WWOX: variants seen among roughly 807,000 people sequenced by gnomAD.
The protein encoded by WWOX is WW domain containing oxidoreductase, also known as WW domain-containing oxidoreductase.
In WWOX, 69 loss-of-function variants were observed where a neutral mutation model predicts 46.2. The ratio of observed to expected loss-of-function variants is 1.49; its 90% CI spans 1.23 to 1.82. The LOEUF is 1.82. WWOX is among the 40% of genes most tolerant of loss of function. The probability of loss-of-function intolerance (pLI) is 0.00; values close to 1 mark genes in which losing one functional copy is unlikely to be tolerated. For missense variants in WWOX, 919 were observed against 542.6 expected (o/e 1.69, Z -6.89); for synonymous variants, 359 against 202.6 (o/e 1.77, Z -6.56).
At chr16:79,141,146 A>G (rs1168257844) in intron 8 of WWOX, among the ~76,000 whole-genome samples, 1 of 152,116 alleles carries the variant, frequency 6.6e-6, no homozygotes, top group Non-Finnish European at 1.5e-5. Context: ...TACATATCGG[A>G]TTGCCTCCTT....
chr16:78,744,800 A>G (rs76014732), intron 8 of WWOX, among the ~76,000 whole-genome samples: 8,117 of 152,272 alleles, frequency 0.053, 623 homozygotes, highest in African/African-American at 0.16. Context: ...AAGGGAGATT[A>G]AAAAGTAAAA....
intron 4 of WWOX, chr16:78,123,440 G>GTTTTTTTATTTTTTTTTTTT (rs2033202836): frequency 2.0e-5 from 1 of 50,500 alleles, no homozygotes; most frequent in Non-Finnish European, 3.7e-5. Flanking sequence ...TTTTTGTTTT[G>GTTTTTTTATTTTTTTTTTTT]TTTTTTTTTT....
intron 8 of WWOX, among the ~76,000 whole-genome samples, chr16:79,131,351 CAA>C (rs2150696153): frequency 6.6e-6 from 1 of 152,114 alleles, no homozygotes; most frequent in South Asian, 2.1e-4. Flanking sequence ...CATGAGGACA[CAA>C]AGAGAGCCTG....
chr16:78,368,701 C>G (rs1470741274), intron 5 of WWOX, among the ~76,000 whole-genome samples: 3 of 152,238 alleles, frequency 2.0e-5, no homozygotes, highest in East Asian at 3.8e-4. Context: ...CCCCTCCCCC[C>G]TCTAATGCTG....
intron 8 of WWOX, among the ~76,000 whole-genome samples, chr16:78,530,043 A>T (rs2859640): frequency 0.49 from 74,695 of 151,966 alleles, 21,060 homozygotes; most frequent in East Asian, 0.66. Context: ...AACTGCACTC[A>T]CTTGAACCCC....
At chr16:78,246,729 C>G (rs1597397186) in intron 5 of WWOX, among the ~76,000 whole-genome samples, 3 of 152,306 alleles carry the variant, frequency 2.0e-5, no homozygotes, top group South Asian at 4.1e-4. Context: ...CCAGTTCCCC[C>G]CGACCATCAG....
At chr16:78,779,132 G>T (rs930988227) in intron 8 of WWOX, among the ~76,000 whole-genome samples, 1 of 152,184 alleles carries the variant, frequency 6.6e-6, no homozygotes, top group Admixed American at 6.5e-5. Flanking sequence ...AAACATAAAT[G>T]TGACTCCAAC....
chr16:79,186,986 A>C (rs2150798333), intron 8 of WWOX, among the ~76,000 whole-genome samples: 1 of 152,346 alleles, frequency 6.6e-6, no homozygotes, highest in Non-Finnish European at 1.5e-5. Flanking sequence ...GAATTTCAAA[A>C]GCCAGAAGTG....
chr16:79,169,326 A>G (rs190130437), intron 8 of WWOX, among the ~76,000 whole-genome samples: 49 of 152,342 alleles, frequency 3.2e-4, no homozygotes, highest in Non-Finnish European at 5.4e-4. Context: ...CACAAGATCA[A>G]GCCCCAGAGG....
chr16:78,735,290 C>T (rs1461359983), intron 8 of WWOX, among the ~76,000 whole-genome samples: 1 of 151,470 alleles, frequency 6.6e-6, no homozygotes, highest in Non-Finnish European at 1.5e-5. Context: ...TTGCCTATAG[C>T]GGATCTTGAG....
chr16:78,780,044 G>A (rs773787185), intron 8 of WWOX, among the ~76,000 whole-genome samples: 10 of 152,258 alleles, frequency 6.6e-5, no homozygotes, highest in Non-Finnish European at 1.5e-4. Flanking sequence ...GAAGCCATAT[G>A]GATACTTTTT....
In WWOX at chr16:78,470,045, T is replaced by C. The variant is rs116028952; in HGVS notation, c.1056+37293T>C. Among the ~76,000 whole-genome samples the C allele has an allele frequency of 3.9e-3, 587 of 152,316 alleles. 2 individuals are homozygous for C. The highest frequency in any genetic ancestry group is 0.013 in the African/African-American group (545 of 41,568). On this transcript the variant is annotated intron_variant, in intron 8 of 8. Coordinates refer to ENST00000566780, the MANE Select transcript of WWOX (RefSeq NM_016373.4). ...AGATAGTAGAAGTTTATTTCTTGTT[T>C]ATGTAAGATCCATAATGACTCTTGC...
intron 8 of WWOX, among the ~76,000 whole-genome samples, chr16:79,015,868 C>G (rs996106406): frequency 2.6e-5 from 4 of 152,198 alleles, no homozygotes; most frequent in Non-Finnish European, 5.9e-5. Flanking sequence ...TGTCCTGCCT[C>G]AGACTCCCGA....
intron 8 of WWOX, chr16:78,898,686 C>G (rs987220487): frequency 6.6e-6 from 1 of 152,038 alleles, no homozygotes; most frequent in Non-Finnish European, 1.5e-5. Flanking sequence ...GGTATTGAAT[C>G]TCTTGATCAA....
chr16:79,037,895 G>A (rs149121954), intron 8 of WWOX, among the ~76,000 whole-genome samples: 10 of 152,170 alleles, frequency 6.6e-5, no homozygotes, highest in African/African-American at 2.2e-4. Flanking sequence ...AATGCCAGCT[G>A]CAGCCAAAGG....
chr16:78,932,083 C>A (rs1314209275), intron 8 of WWOX, among the ~76,000 whole-genome samples: 2 of 152,220 alleles, frequency 1.3e-5, no homozygotes, highest in Non-Finnish European at 2.9e-5. Context: ...AACCTCTTTC[C>A]TTTATAAATT....
intron 5 of WWOX, among the ~76,000 whole-genome samples, chr16:78,368,701 CT>C (rs2081595434): frequency 6.6e-6 from 1 of 152,238 alleles, no homozygotes; most frequent in Admixed American, 6.5e-5. Context: ...CCCCTCCCCC[CT>C]CTAATGCTGC....
chr16:78,826,416 T>A (rs1297928853), intron 8 of WWOX, among the ~76,000 whole-genome samples: 1 of 152,212 alleles, frequency 6.6e-6, no homozygotes, highest in Non-Finnish European at 1.5e-5. Context: ...AAGGCAGGGC[T>A]ATACTTACTT....
intron 8 of WWOX, among the ~76,000 whole-genome samples, chr16:78,704,079 A>C (rs1163682567): frequency 1.3e-5 from 2 of 151,862 alleles, no homozygotes; most frequent in Admixed American, 6.6e-5. Flanking sequence ...CATCTGTTTC[A>C]ATTCACTAGA....
Sources: allele counts gnomAD v4.1 joint callset (sites outside exome capture counted in the v4.1 genomes callset), GRCh38; gene constraint gnomAD v4.1.1; transcripts MANE v1.5; gene names NCBI Gene and HGNC (gene_info 2026-07-23, HGNC 2026-07-21).